The following PTP4A1 variants were observed in gnomAD, a reference collection of about 807,000 sequenced individuals.
The protein encoded by PTP4A1 is protein tyrosine phosphatase 4A1.
PTP4A1 carries 9 observed loss-of-function variants against 20.5 expected under a neutral mutation model. That is an observed-to-expected ratio of 0.44 (90% CI 0.26 to 0.77). The LOEUF is 0.77. Ranked by LOEUF, PTP4A1 falls within the 30% of genes least tolerant of loss-of-function variation. PTP4A1 has a pLI of 0.19. For synonymous variants in PTP4A1, 78 were observed against 67.4 expected, an observed-to-expected ratio of 1.16 and a Z score of -0.77; for missense variants, 137 against 218.8, an observed-to-expected ratio of 0.63 and a Z score of 2.36.
intron 3 of PTP4A1, among the ~76,000 whole-genome samples, chr6:63,554,904 T>C (rs1296243429): frequency 2.0e-5 from 3 of 152,242 alleles, no homozygotes; most frequent in African/African-American, 7.2e-5. Context: ...TGCTGGTGTA[T>C]AGTAGATTTT....
intron 1 of PTP4A1, chr6:63,573,696 C>T (rs1777651415): frequency 6.6e-6 from 1 of 152,270 alleles, no homozygotes; most frequent in Non-Finnish European, 1.5e-5. Context: ...CGCCCCACCT[C>T]GGGCTCGTGA....
At chr6:63,525,939 C>T (rs948460517) in intron 1 of PTP4A1, among the ~76,000 whole-genome samples, 3 of 152,198 alleles carry the variant, frequency 2.0e-5, no homozygotes, top group African/African-American at 7.2e-5. Context: ...CTAAGACAGT[C>T]TCTTCCAATT....
chr6:63,517,737 G>A (rs549014844), upstream of PTP4A1, among the ~76,000 whole-genome samples: 2 of 152,212 alleles, frequency 1.3e-5, no homozygotes, highest in African/African-American at 2.4e-5. Flanking sequence ...AGACACTGAT[G>A]GAGAATTAAA....
intron 3 of PTP4A1, 146 bp from the exon 4 acceptor site, chr6:63,578,752 A>G: frequency 8.9e-7 from 1 of 1,119,446 alleles, no homozygotes; most frequent in Non-Finnish European, 1.2e-6. Flanking sequence ...ATTTAGTCAC[A>G]TTTGGTAGAC....
At chr6:63,538,881 ATATTTATT>A (rs917350873) in intron 2 of PTP4A1, among the ~76,000 whole-genome samples, 2 of 151,866 alleles carry the variant, frequency 1.3e-5, no homozygotes, top group African/African-American at 2.4e-5. Flanking sequence ...AGAAGTAATA[ATATTTATT>A]TATTTATTTA....
intron 2 of PTP4A1, among the ~76,000 whole-genome samples, chr6:63,538,511 T>C (rs1219306560): frequency 1.3e-5 from 2 of 152,264 alleles, no homozygotes; most frequent in Non-Finnish European, 2.9e-5. Flanking sequence ...ACATGTTCAG[T>C]ATTTGAAGCT....
intron 1 of PTP4A1, among the ~76,000 whole-genome samples, chr6:63,574,099 G>A (rs1217712789): frequency 6.6e-6 from 1 of 152,172 alleles, no homozygotes; most frequent in African/African-American, 2.4e-5. Flanking sequence ...CTGAGGCAGT[G>A]CTTCCTGTTA....
chr6:63,564,260 A>G lies in PTP4A1; in HGVS notation c.-445-12176A>G, dbSNP rs561446406. 2.6e-3 allele frequency among the ~76,000 whole-genome samples: 397 copies of G among 149,818 alleles called. 1 individual carries two copies. Among genetic ancestry groups the G allele is most frequent in the African/African-American group, 9.3e-3 (374 of 40,396 alleles). Reference sequence around the variant, plus strand: ...CATTGCACTCCAGCCTGGGTGACAGAGCGAGACTCTGTCTCAAAAAAAAAA... The same window carrying G: ...CATTGCACTCCAGCCTGGGTGACAGGGCGAGACTCTGTCTCAAAAAAAAAA... On this transcript the variant is annotated intron_variant, in intron 3 of 3. Coordinates refer to the PTP4A1 transcript ENST00000639568.
intron 1 of PTP4A1, among the ~76,000 whole-genome samples, chr6:63,523,257 G>T (rs1430579005): frequency 6.6e-6 from 1 of 151,892 alleles, no homozygotes; most frequent in Non-Finnish European, 1.5e-5. Flanking sequence ...TCACTATTAT[G>T]TACTTTCTCA....
intron 2 of PTP4A1, among the ~76,000 whole-genome samples, chr6:63,547,917 G>T (rs946737485): frequency 3.9e-5 from 6 of 152,092 alleles, no homozygotes; most frequent in Non-Finnish European, 7.4e-5. Context: ...TTGATTTAAG[G>T]CTTTCTTGCT....
intron 3 of PTP4A1, among the ~76,000 whole-genome samples, chr6:63,559,846 C>CA: frequency 6.6e-6 from 1 of 152,098 alleles, no homozygotes; most frequent in Non-Finnish European, 1.5e-5. Context: ...AGGCTGGTTT[C>CA]GAACTCCTGG....
intron 2 of PTP4A1, among the ~76,000 whole-genome samples, chr6:63,531,123 A>G (rs1263106319): frequency 6.6e-6 from 1 of 152,206 alleles, no homozygotes; most frequent in African/African-American, 2.4e-5. Context: ...CTCAGTCTCC[A>G]AAGTCCTCTC....
intron 3 of PTP4A1, among the ~76,000 whole-genome samples, chr6:63,554,933 A>G (rs1776614687): frequency 6.6e-6 from 1 of 152,248 alleles, no homozygotes; most frequent in African/African-American, 2.4e-5. Flanking sequence ...TTATGTTAGA[A>G]TCATACAAAG....
At chr6:63,548,299 T>G (rs1776291226) in intron 2 of PTP4A1, among the ~76,000 whole-genome samples, 1 of 152,248 alleles carries the variant, frequency 6.6e-6, no homozygotes, top group Non-Finnish European at 1.5e-5. Flanking sequence ...TACCTCAGTT[T>G]CCTCATCTGC....
rs1480042765 is a variant in PTP4A1 at position 63,583,261 on chromosome 6, AAGT to A, written c.*3091_*3093del. The A allele has an allele frequency of 1.3e-5, 2 of 152,252 alleles. No individual in the cohort carries two copies. Among genetic ancestry groups the A allele is most frequent in the Non-Finnish European group, 2.9e-5 (2 of 68,038 alleles). The allele number at this position is 152,252 out of a possible 1,614,324, so 9.4% of individuals were successfully genotyped here. On this transcript the variant is annotated 3_prime_UTR_variant, in exon 6 of 6. Transcript: ENST00000626021. ...AGTTAAGTTTTAAACAAAATACATGAAGTAGTGTCTGCCATACATGTTAATATT... is the reference window on the plus strand; with the variant it reads ...AGTTAAGTTTTAAACAAAATACATGAAGTGTCTGCCATACATGTTAATATT...
chr6:63,563,745 G>A (rs952883872), intron 3 of PTP4A1, among the ~76,000 whole-genome samples: 1 of 152,142 alleles, frequency 6.6e-6, no homozygotes, highest in African/African-American at 2.4e-5. Flanking sequence ...ATGGATGTAG[G>A]TGAAAACCCC....
upstream of PTP4A1, chr6:63,571,573 A>G (rs904288564): frequency 1.3e-5 from 2 of 152,256 alleles, no homozygotes; most frequent in African/African-American, 4.8e-5. Context: ...GCAAAGAATT[A>G]CATCAGTGCT....
upstream of PTP4A1, chr6:63,572,049 G>C (rs537435686): frequency 6.6e-6 from 1 of 152,282 alleles, no homozygotes; most frequent in Non-Finnish European, 1.5e-5. Context: ...AAGCAGGCTC[G>C]ACACTGAGAC....
chr6:63,548,899 A>G, intron 2 of PTP4A1: 1 of 878,650 alleles, frequency 1.1e-6, no homozygotes, highest in Admixed American at 1.7e-5. Context: ...ACCTGTATGA[A>G]GGCGACAGTG....
Sources: gnomAD v4.1 joint callset for allele counts (sites outside exome capture counted in the v4.1 genomes callset) on GRCh38, gnomAD v4.1.1 for gene constraint, MANE v1.5 for transcripts, NCBI Gene and HGNC (gene_info 2026-07-23, HGNC 2026-07-21) for gene names.